ACVR2B: variants seen among roughly 807,000 people sequenced by gnomAD.
The protein encoded by ACVR2B is activin receptor type-2B.
In ACVR2B, 18 loss-of-function variants were observed where a neutral mutation model predicts 65.1. The ratio of observed to expected loss-of-function variants is 0.28; its 90% confidence interval spans 0.19 to 0.41. ACVR2B has a LOEUF of 0.41. ACVR2B is among the 10% of genes least tolerant of loss of function. The pLI is 1.00. For synonymous variants in ACVR2B, 298 were observed against 277.7 expected (o/e 1.07, Z -0.73); for missense variants, 482 against 682.7 (o/e 0.71, Z 3.28).
rs11926767 is a variant in ACVR2B at position 38,486,422 on chromosome 3, C to T, written c.*3090C>T. ...ATGGGCCTTTTGCCCCGGGTAAATG[C>T]TTGTCTGTTTGCTGTCATGTGTTCT... On this transcript the variant is annotated 3_prime_UTR_variant, in exon 11 of 11. Coordinates refer to ENST00000352511, the MANE Select transcript of ACVR2B (RefSeq NM_001106.4). 0.61 allele frequency: 92,192 copies of T among 152,116 alleles called. 28,067 individuals carry two copies. The highest frequency in any genetic ancestry group is 0.62 in the East Asian group (3,224 of 5,164). 9.4% of individuals were successfully genotyped at this position (152,116 alleles called of 1,614,324 possible).
chr3:38,482,165 C>T (rs758494015), intron 8 of ACVR2B, 33 bp from the exon 9 acceptor site: 2 of 1,613,732 alleles, frequency 1.2e-6, no homozygotes, highest in Non-Finnish European at 1.7e-6. Flanking sequence ...TGGCCAGTCA[C>T]TGTAAATCCT....
At chr3:38,462,957 T>C (rs1399834943) in intron 1 of ACVR2B, among the ~76,000 whole-genome samples, 1 of 152,172 alleles carries the variant, frequency 6.6e-6, no homozygotes, top group Non-Finnish European at 1.5e-5. Flanking sequence ...GTGAACATCC[T>C]TCCTACCTCC....
rs1431515726 is a variant in ACVR2B at position 38,454,046 on chromosome 3, C to A, written c.-277C>A. 1 of 146,208 alleles carries A rather than the reference C, an allele frequency of 6.8e-6. No homozygotes were observed. Among genetic ancestry groups the A allele is most frequent in the East Asian group, 2.0e-4 (1 of 4,956 alleles). The allele number at this position is 146,208 out of a possible 1,614,324, so 9.1% of individuals were successfully genotyped here. ...GCGCTATGCCTGAGTCGGGCGCGCC[C>A]CGGCCCGTGCCCCGCCGCCGCCCCC... On this transcript the variant is annotated 5_prime_UTR_variant, in exon 1 of 11. Transcript: ENST00000352511.
At chr3:38,473,523 G>A (rs973183102) in intron 1 of ACVR2B, 1 of 152,534 alleles carries the variant, frequency 6.6e-6, no homozygotes, top group East Asian at 1.9e-4. Context: ...AGGAGAGTCT[G>A]GGGAAGAGAG....
At position 38,485,811 on chromosome 3, in the gene ACVR2B, A is replaced by G. The variant is rs894875844; in HGVS notation, c.*2479A>G. ...TTATTTCTTTAAGAAGCTTTAAAAT[A>G]TTTATTGAAAAGTGCCATATCTAAT... On this transcript the variant is annotated 3_prime_UTR_variant, in exon 11 of 11. Transcript: ENST00000352511. The G allele has an allele frequency of 6.6e-6, 1 of 151,490 alleles. No homozygotes were observed. The highest frequency in any genetic ancestry group is 6.6e-5 in the Admixed American group (1 of 15,042). 9.4% of individuals were successfully genotyped at this position (151,490 alleles called of 1,614,324 possible). A position where few individuals can be genotyped will look rare whatever the true frequency, so the allele number is the denominator to read the frequency against.
At chr3:38,480,108 A>G (rs145357170) in intron 7 of ACVR2B, among the ~76,000 whole-genome samples, 2 of 152,280 alleles carry the variant, frequency 1.3e-5, no homozygotes, top group Non-Finnish European at 2.9e-5. Flanking sequence ...TTTCTAGTTT[A>G]GGATCCCTTT....
intron 7 of ACVR2B, among the ~76,000 whole-genome samples, chr3:38,480,236 C>T (rs749611716): frequency 2.0e-5 from 3 of 152,126 alleles, no homozygotes; most frequent in Admixed American, 6.6e-5. Context: ...CATGTAGCCT[C>T]GGGAAAACTC....
Position 38,479,814 on chromosome 3 carries a change from C to A in ACVR2B, c.947C>A (p.Ser316Tyr). The A allele has an allele frequency of 6.2e-7, 1 of 1,614,188 alleles. No homozygotes were observed. Among genetic ancestry groups the A allele is most frequent in the South Asian group, 1.1e-5 (1 of 91,082 alleles). The change falls in exon 7 of 11, where the codon TCT (serine) becomes TAT (tyrosine). Residue 316 changes from serine to tyrosine, a missense_variant. Ser to Tyr is a moderately radical substitution (Grantham distance 144, BLOSUM62 -2). Coordinates refer to ENST00000352511, the MANE Select transcript of ACVR2B (RefSeq NM_001106.4). The stretch of plus-strand genomic sequence containing the variant: ...TGCCGTGGCGAGGGCCACAAGCCGT[C>A]TATTGCCCACAGGTACCTGGGTCAG... ...PWCRGEGHKP[S>Y]IAHRDFKSKN...
intron 1 of ACVR2B, among the ~76,000 whole-genome samples, chr3:38,473,232 G>A (rs564201045): frequency 5.3e-5 from 8 of 152,332 alleles, no homozygotes; most frequent in Non-Finnish European, 8.8e-5. Flanking sequence ...CTGTGACTCA[G>A]GGATGCAGCA....
chr3:38,457,464 C>T (rs1709569204), intron 1 of ACVR2B, among the ~76,000 whole-genome samples: 1 of 152,194 alleles, frequency 6.6e-6, no homozygotes, highest in Non-Finnish European at 1.5e-5. Flanking sequence ...GTGCTTGTCA[C>T]AAGATCAGTC....
intron 1 of ACVR2B, among the ~76,000 whole-genome samples, chr3:38,468,523 G>A (rs544751393): frequency 7.2e-5 from 11 of 152,232 alleles, no homozygotes; most frequent in African/African-American, 1.7e-4. Context: ...CATAATCTCC[G>A]CTGGGTTGGA....
chr3:38,465,397 CAAA>C (rs71085325), intron 1 of ACVR2B, among the ~76,000 whole-genome samples: 6 of 90,278 alleles, frequency 6.6e-5, no homozygotes, highest in Admixed American at 1.2e-4. Context: ...GATTCCATCT[CAAA>C]AAAAAAAAAA....
chr3:38,481,285 C>A lies in ACVR2B; in HGVS notation c.960-66C>A. The A allele has an allele frequency of 7.2e-7, 1 of 1,383,814 alleles. No homozygotes were observed. The highest frequency in any genetic ancestry group is 1.0e-6 in the Non-Finnish European group (1 of 971,674). The allele number at this position is 1,383,814 out of a possible 1,614,324, so 85.7% of individuals were successfully genotyped here. ...GACTCTAGGGCACAGACTCTAGTAT[C>A]TTGGGAACCAAGGTGGGAGTTGGAT... On this transcript the variant is annotated intron_variant, in intron 7 of 10. Coordinates refer to ENST00000352511, the MANE Select transcript of ACVR2B (RefSeq NM_001106.4). This position sits in a 1 kb window ranked among gnomAD's most constrained non-coding sequence, Gnocchi z 4.7.
At chr3:38,480,867 G>C (rs999430742) in intron 7 of ACVR2B, among the ~76,000 whole-genome samples, 4 of 152,182 alleles carry the variant, frequency 2.6e-5, no homozygotes, top group Non-Finnish European at 4.4e-5. Context: ...GGTGGAGCTG[G>C]GTGCATGCAA....
At chr3:38,479,421 A>G (rs921401959) in intron 6 of ACVR2B, 150 bp downstream of exon 6, 60 of 1,286,382 alleles carry the variant, frequency 4.7e-5, no homozygotes, top group Non-Finnish European at 6.0e-5. Context: ...TACTCCTGCC[A>G]TAGGTGTGGA....
Position 38,477,252 on chromosome 3 carries a change from G to T in ACVR2B, c.53-35G>T, listed in dbSNP as rs1434223019. The T allele has an allele frequency of 1.9e-6, 3 of 1,611,140 alleles. No homozygotes were observed. The highest frequency in any genetic ancestry group is 2.5e-6 in the Non-Finnish European group (3 of 1,178,124). On this transcript the variant is annotated intron_variant, in intron 1 of 10. Transcript: ENST00000352511. The surrounding 1 kb of genome is among the most constrained non-coding windows in gnomAD (Gnocchi z 6.7). The stretch of plus-strand genomic sequence containing the variant: ...AGGGGTTTGGGTGGTGGTCCCAGGG[G>T]CATGCTCAGTGGTTCTCTTTTCTCT...
chr3:38,466,829 C>T (rs1197381340), intron 1 of ACVR2B, among the ~76,000 whole-genome samples: 1 of 152,080 alleles, frequency 6.6e-6, no homozygotes, highest in Admixed American at 6.6e-5. Context: ...AAAGAATGAA[C>T]ATGTCAAGGA....
In ACVR2B at chr3:38,477,368, G is replaced by A. The variant is rs765853980; in HGVS notation, c.134G>A (p.Gly45Asp). The A allele has an allele frequency of 2.1e-5, 34 of 1,614,034 alleles. No homozygotes were observed. Among genetic ancestry groups the A allele is most frequent in the Non-Finnish European group, 1.7e-6 (2 of 1,180,026 alleles). ...NWELERTNQSGLERCEGEQDK... is the reference protein window; with the variant it reads ...NWELERTNQSDLERCEGEQDK... ...GAGCTGGAGCGCACCAACCAGAGCGGCCTGGAGCGCTGCGAAGGCGAGCAG... is the reference window on the plus strand; with the variant it reads ...GAGCTGGAGCGCACCAACCAGAGCGACCTGGAGCGCTGCGAAGGCGAGCAG... Residue 45 changes from glycine to aspartate, a missense_variant, in exon 2 of 11, where the codon GGC (glycine) becomes GAC (aspartate). By Grantham distance (94) the Gly-to-Asp change is moderately conservative. Around this residue, in one of 5 missense-constraint regions of ACVR2B, gnomAD observed 85 missense variants for 137.3 expected, o/e 0.62. Transcript: ENST00000352511. This position sits in a 1 kb window ranked among gnomAD's most constrained non-coding sequence, Gnocchi z 6.7.
chr3:38,457,397 T>C (rs1709568335), intron 1 of ACVR2B, among the ~76,000 whole-genome samples: 1 of 152,192 alleles, frequency 6.6e-6, no homozygotes. Context: ...GCTACCATAT[T>C]AGACAATGGA....
Sources: allele counts gnomAD v4.1 joint callset (sites outside exome capture counted in the v4.1 genomes callset), GRCh38; gene constraint gnomAD v4.1.1; regional missense constraint gnomAD v4.1.1; non-coding constraint Gnocchi (gnomAD v3.1); transcripts MANE v1.5; gene names NCBI Gene and HGNC (gene_info 2026-07-23, HGNC 2026-07-21).